PPP1R14C: variants seen among roughly 807,000 people sequenced by gnomAD.
The protein encoded by PPP1R14C is protein phosphatase 1 regulatory inhibitor subunit 14C, also known as protein phosphatase 1 regulatory subunit 14C.
In PPP1R14C, 16 loss-of-function variants were observed where a neutral mutation model predicts 20.4. The ratio of observed to expected loss-of-function variants is 0.78; its 90% CI spans 0.53 to 1.19. PPP1R14C has a LOEUF of 1.19. PPP1R14C is among the 50% of genes most tolerant of loss of function. The pLI is 0.00. For missense variants in PPP1R14C, 211 were observed against 220.1 expected (o/e 0.96, Z 0.26); for synonymous variants, 91 against 91.0 (o/e 1.00, Z 0.00).
chr6:150,222,018 C>T (rs1218799741), intron 3 of PPP1R14C, among the ~76,000 whole-genome samples: 1 of 152,094 alleles, frequency 6.6e-6, no homozygotes, highest in Non-Finnish European at 1.5e-5. Context: ...AGGCTAGTCT[C>T]AAACTCCCGA....
intron 1 of PPP1R14C, among the ~76,000 whole-genome samples, chr6:150,149,443 ATTTTTTTTTTTCTTTTTTTTTTTT>A (rs1420650171): frequency 8.3e-6 from 1 of 119,940 alleles, no homozygotes; most frequent in African/African-American, 3.3e-5. Flanking sequence ...CTCCCACCTA[ATTTTTTTTTTTCTTTTTTTTTTTT>A]TTTTTTTTTT....
chr6:150,195,852 T>A, intron 1 of PPP1R14C: 3 of 985,394 alleles, frequency 3.0e-6, no homozygotes, highest in Non-Finnish European at 2.4e-6. Context: ...ACCACAGAGC[T>A]ATGGGAGGCC....
chr6:150,247,619 A>G (rs1485929761), intron 3 of PPP1R14C, among the ~76,000 whole-genome samples: 2 of 152,230 alleles, frequency 1.3e-5, no homozygotes, highest in African/African-American at 4.8e-5. Context: ...TTTTAATTTC[A>G]GATGTGTGTT....
At chr6:150,183,344 C>T (rs1046031799) in intron 1 of PPP1R14C, among the ~76,000 whole-genome samples, 7 of 152,194 alleles carry the variant, frequency 4.6e-5, no homozygotes, top group African/African-American at 1.7e-4. Flanking sequence ...AACTTTATTG[C>T]TCCACCTGTA....
At chr6:150,223,698 T>G (rs1778196388) in intron 3 of PPP1R14C, among the ~76,000 whole-genome samples, 1 of 152,188 alleles carries the variant, frequency 6.6e-6, no homozygotes. Flanking sequence ...CTGGGTGTGT[T>G]TGTTTTTTTT....
intron 1 of PPP1R14C, among the ~76,000 whole-genome samples, chr6:150,162,189 G>A (rs1777377185): frequency 6.6e-6 from 1 of 152,056 alleles, no homozygotes; most frequent in Non-Finnish European, 1.5e-5. Context: ...CGAGCAGCTG[G>A]GACTACAGGC....
At chr6:150,204,387 C>CT (rs1249374390) in intron 1 of PPP1R14C, among the ~76,000 whole-genome samples, 3 of 152,158 alleles carry the variant, frequency 2.0e-5, no homozygotes, top group Non-Finnish European at 2.9e-5. Context: ...ATTTTCTTTT[C>CT]TTTTTTTCTC....
chr6:150,144,626 C>G (rs113674823), intron 1 of PPP1R14C, among the ~76,000 whole-genome samples: 1 of 152,186 alleles, frequency 6.6e-6, no homozygotes, highest in African/African-American at 2.4e-5. Context: ...CCACTAATGT[C>G]GGGTGTTCTG....
chr6:150,222,047 C>T (rs1202764273), intron 3 of PPP1R14C, among the ~76,000 whole-genome samples: 1 of 149,076 alleles, frequency 6.7e-6, no homozygotes. Flanking sequence ...AGTCCACCTG[C>T]CTGGGCCTCC....
chr6:150,167,955 TC>T (rs1777443345), intron 1 of PPP1R14C, among the ~76,000 whole-genome samples: 1 of 150,648 alleles, frequency 6.6e-6, no homozygotes, highest in Non-Finnish European at 1.5e-5. Flanking sequence ...TCTCCCCTTC[TC>T]TCCTCCCCTC....
At chr6:150,241,887 C>G (rs1412030947) in intron 3 of PPP1R14C, among the ~76,000 whole-genome samples, 1 of 151,066 alleles carries the variant, frequency 6.6e-6, no homozygotes. Context: ...ACTCTTGTCT[C>G]AAAAGAAAAA....
At chr6:150,152,094 T>G (rs998990303) in intron 1 of PPP1R14C, among the ~76,000 whole-genome samples, 1 of 129,306 alleles carries the variant, frequency 7.7e-6, no homozygotes, top group South Asian at 2.4e-4. Flanking sequence ...CACTCCAGCC[T>G]GGGCGACAGA....
chr6:150,178,623 T>C (rs1420477438), intron 1 of PPP1R14C, among the ~76,000 whole-genome samples: 2 of 152,260 alleles, frequency 1.3e-5, no homozygotes, highest in African/African-American at 4.8e-5. Context: ...ATTTCTCCTT[T>C]TGTTTTTTGG....
intron 3 of PPP1R14C, among the ~76,000 whole-genome samples, chr6:150,227,096 T>C (rs1778238946): frequency 6.6e-6 from 1 of 152,236 alleles, no homozygotes; most frequent in East Asian, 1.9e-4. Flanking sequence ...ACTGATCTTT[T>C]AAAATCATTG....
chr6:150,177,262 CTGT>C (rs1388486249), intron 1 of PPP1R14C, among the ~76,000 whole-genome samples: 3 of 152,302 alleles, frequency 2.0e-5, no homozygotes, highest in African/African-American at 7.2e-5. Flanking sequence ...CTGTCTTTAC[CTGT>C]TGTTTCTGTG....
intron 1 of PPP1R14C, among the ~76,000 whole-genome samples, chr6:150,158,615 A>G (rs998773921): frequency 1.3e-5 from 2 of 152,334 alleles, no homozygotes; most frequent in South Asian, 2.1e-4. Context: ...AGTGCTTTTT[A>G]GTATCATTAT....
chr6:150,213,357 A>G (rs1391024857), intron 1 of PPP1R14C, among the ~76,000 whole-genome samples: 1 of 151,582 alleles, frequency 6.6e-6, no homozygotes, highest in Non-Finnish European at 1.5e-5. Context: ...ACACACACAC[A>G]CACACACACA....
At chr6:150,237,431 A>G (rs1353278076) in intron 3 of PPP1R14C, among the ~76,000 whole-genome samples, 2 of 151,962 alleles carry the variant, frequency 1.3e-5, no homozygotes, top group Non-Finnish European at 2.9e-5. Flanking sequence ...TCGAACTCCC[A>G]ACCTCAGGTG....
intron 1 of PPP1R14C, among the ~76,000 whole-genome samples, chr6:150,204,119 G>A (rs564564946): frequency 2.6e-5 from 4 of 152,342 alleles, no homozygotes; most frequent in South Asian, 2.1e-4. Context: ...TGAGGGTGGC[G>A]GCCGCCTGGC....
Sources: allele counts gnomAD v4.1 joint callset (sites outside exome capture counted in the v4.1 genomes callset), GRCh38; gene constraint gnomAD v4.1.1; transcripts MANE v1.5; gene names NCBI Gene and HGNC (gene_info 2026-07-23, HGNC 2026-07-21).